Variants in CACNB2 observed in about 807,000 individuals in gnomAD.
The protein encoded by CACNB2 is voltage-dependent L-type calcium channel subunit beta-2.
CACNB2 carries 42 observed loss-of-function variants against 73.3 expected under a neutral mutation model. The observed-to-expected ratio is 0.57, with a 90% CI of 0.45 to 0.74. CACNB2 has a LOEUF of 0.74. CACNB2 is among the 30% of genes least tolerant of loss of function. The pLI is 0.00. For synonymous variants in CACNB2, 348 were observed against 310.3 expected, an observed-to-expected ratio of 1.12 and a Z score of -1.28; for missense variants, 940 against 853.0, an observed-to-expected ratio of 1.10 and a Z score of -1.27.
intron 2 of CACNB2, among the ~76,000 whole-genome samples, chr10:18,360,870 A>C: frequency 6.6e-6 from 1 of 152,206 alleles, no homozygotes; most frequent in East Asian, 1.9e-4. Flanking sequence ...CTTAGCTGCA[A>C]AACCAGTGAT....
At chr10:18,180,403 C>T (rs1006819368) in intron 2 of CACNB2, among the ~76,000 whole-genome samples, 4 of 151,586 alleles carry the variant, frequency 2.6e-5, no homozygotes, top group Admixed American at 6.6e-5. Context: ...TTTTCTTTTA[C>T]GTCAGGCAGG....
At chr10:18,497,377 AAG>A (rs2133000900) in intron 3 of CACNB2, among the ~76,000 whole-genome samples, 1 of 152,254 alleles carries the variant, frequency 6.6e-6, no homozygotes, top group South Asian at 2.1e-4. Flanking sequence ...GTATTAGCTA[AAG>A]AGAGAATAAA....
At chr10:18,466,375 A>G (rs2047886882) in intron 3 of CACNB2, among the ~76,000 whole-genome samples, 1 of 152,096 alleles carries the variant, frequency 6.6e-6, no homozygotes, top group Admixed American at 6.6e-5. Flanking sequence ...AGCTGGGACT[A>G]CAGGTCCCAG....
At chr10:18,395,573 C>T (rs972125498) in intron 2 of CACNB2, among the ~76,000 whole-genome samples, 9 of 152,214 alleles carry the variant, frequency 5.9e-5, no homozygotes, top group Admixed American at 5.9e-4. Flanking sequence ...AATAAGTACT[C>T]AATAATTGCA....
At chr10:18,410,797 T>C (rs1304188675) in intron 3 of CACNB2, among the ~76,000 whole-genome samples, 3 of 152,080 alleles carry the variant, frequency 2.0e-5, no homozygotes, top group Non-Finnish European at 4.4e-5. Context: ...CTGGCCAGCA[T>C]GGTGAAACCC....
At chr10:18,197,090 C>A (rs1453226886) in intron 2 of CACNB2, among the ~76,000 whole-genome samples, 1 of 152,048 alleles carries the variant, frequency 6.6e-6, no homozygotes, top group East Asian at 1.9e-4. Context: ...GCCTCTTAGC[C>A]CCCTGGGCAG....
intron 1 of CACNB2, among the ~76,000 whole-genome samples, chr10:18,142,503 T>G (rs918958734): frequency 5.9e-5 from 9 of 152,224 alleles, no homozygotes; most frequent in Non-Finnish European, 1.2e-4. Flanking sequence ...TCGGTTATTC[T>G]AGGATGAAGG....
chr10:18,337,854 A>T (rs958666729), intron 2 of CACNB2, among the ~76,000 whole-genome samples: 1 of 152,224 alleles, frequency 6.6e-6, no homozygotes, highest in African/African-American at 2.4e-5. Flanking sequence ...GGTGTACAAC[A>T]TGATGTTTTG....
intron 7 of CACNB2, among the ~76,000 whole-genome samples, chr10:18,516,308 C>G (rs1454477068): frequency 6.6e-6 from 1 of 152,084 alleles, no homozygotes; most frequent in African/African-American, 2.4e-5. Context: ...GCACAAAGCA[C>G]CAATATTCCA....
chr10:18,319,798 G>A (rs1270696242), intron 2 of CACNB2, among the ~76,000 whole-genome samples: 1 of 152,150 alleles, frequency 6.6e-6, no homozygotes, highest in African/African-American at 2.4e-5. Context: ...TGACCTTTGA[G>A]CTGAGACCTG....
intron 3 of CACNB2, among the ~76,000 whole-genome samples, chr10:18,449,485 A>G (rs1224636841): frequency 6.6e-6 from 1 of 152,222 alleles, no homozygotes; most frequent in African/African-American, 2.4e-5. Context: ...ATGAAGCTGA[A>G]TTTCTCTTTA....
At chr10:18,280,811 G>T (rs541485408) in intron 2 of CACNB2, among the ~76,000 whole-genome samples, 4 of 152,294 alleles carry the variant, frequency 2.6e-5, no homozygotes, top group Admixed American at 2.0e-4. Context: ...ATGTATTGAT[G>T]TATTGATCAC....
intron 2 of CACNB2, among the ~76,000 whole-genome samples, chr10:18,224,556 T>C (rs141843857): frequency 0.014 from 2,187 of 152,216 alleles, 28 homozygotes; most frequent in African/African-American, 0.037. Context: ...ATATTCTCAT[T>C]TTACCCCAAG....
At chr10:18,296,010 T>G (rs1012979252) in intron 2 of CACNB2, among the ~76,000 whole-genome samples, 3 of 148,440 alleles carry the variant, frequency 2.0e-5, no homozygotes, top group African/African-American at 7.4e-5. Context: ...TTTTTTTTTT[T>G]TTTTTTTTTT....
intron 3 of CACNB2, among the ~76,000 whole-genome samples, chr10:18,409,561 A>T (rs1267736717): frequency 1.3e-5 from 2 of 152,248 alleles, no homozygotes; most frequent in Non-Finnish European, 2.9e-5. Flanking sequence ...CGCTGGGCTG[A>T]GACTCTGTCT....
At chr10:18,409,246 C>T (rs539580999) in intron 3 of CACNB2, among the ~76,000 whole-genome samples, 99 of 150,802 alleles carry the variant, frequency 6.6e-4, no homozygotes, top group African/African-American at 2.3e-3. Context: ...TGCAGTGAGC[C>T]GAGGTCGTGC....
At chr10:18,306,194 C>T (rs1054266622) in intron 2 of CACNB2, among the ~76,000 whole-genome samples, 4 of 151,902 alleles carry the variant, frequency 2.6e-5, no homozygotes, top group African/African-American at 9.7e-5. Flanking sequence ...TTATAAGGAG[C>T]GTGTGGGTGA....
intron 2 of CACNB2, among the ~76,000 whole-genome samples, chr10:18,192,656 C>T (rs1348324841): frequency 6.6e-6 from 1 of 152,176 alleles, no homozygotes; most frequent in African/African-American, 2.4e-5. Context: ...TTCCCATCCC[C>T]CAGGCCCTGG....
intron 2 of CACNB2, among the ~76,000 whole-genome samples, chr10:18,301,613 C>T (rs2039512647): frequency 6.6e-6 from 1 of 150,776 alleles, no homozygotes; most frequent in Non-Finnish European, 1.5e-5. Context: ...ACGAAACAAG[C>T]TGTTCAGGTA....
Sources: gnomAD v4.1 joint callset for allele counts (sites outside exome capture counted in the v4.1 genomes callset) on GRCh38, gnomAD v4.1.1 for gene constraint, MANE v1.5 for transcripts, NCBI Gene and HGNC (gene_info 2026-07-23, HGNC 2026-07-21) for gene names.